Variants in UAP1L1 observed in about 807,000 individuals in gnomAD.
The protein encoded by UAP1L1 is UDP-N-acetylhexosamine pyrophosphorylase-like protein 1.
A neutral mutation model predicts 45.3 loss-of-function variants in UAP1L1; 45 were observed. The ratio of observed to expected loss-of-function variants is 0.99; its 90% CI spans 0.78 to 1.27. UAP1L1 has a LOEUF of 1.27. Among genes scored for constraint, UAP1L1 ranks in the 50% most tolerant of loss-of-function variants. UAP1L1 has a pLI of 0.00. For synonymous variants in UAP1L1, 323 were observed against 303.9 expected, an observed-to-expected ratio of 1.06 and a Z score of -0.65; for missense variants, 667 against 694.0, an observed-to-expected ratio of 0.96 and a Z score of 0.44.
In UAP1L1 at chr9:137,082,467, C is replaced by A; in HGVS notation, c.1432-170C>A. 1 of 620,356 alleles carries A rather than the reference C, an allele frequency of 1.6e-6. No individual in the cohort carries two copies. Among genetic ancestry groups the A allele is most frequent in the Non-Finnish European group, 2.9e-6 (1 of 347,888 alleles). 38.4% of individuals were successfully genotyped at this position (620,356 alleles called of 1,614,324 possible). On this transcript the variant is annotated intron_variant, in intron 8 of 8. Coordinates refer to ENST00000409858, the MANE Select transcript of UAP1L1 (RefSeq NM_207309.3). The surrounding 1 kb of genome is among the most constrained non-coding windows in gnomAD (Gnocchi z 5.7). ...GGGTCTTGAGTGTGGTCTTGGGTGGCCTTGCAGTGTGTGTCTGCTCCTGGC... is the reference window on the plus strand; with the variant it reads ...GGGTCTTGAGTGTGGTCTTGGGTGGACTTGCAGTGTGTGTCTGCTCCTGGC...
In UAP1L1 at chr9:137,082,045, T is replaced by G; in HGVS notation, c.1412T>G (p.Leu471Trp). 1 of 1,614,000 alleles carries G rather than the reference T, an allele frequency of 6.2e-7. No individual in the cohort carries two copies. Among genetic ancestry groups the G allele is most frequent in the Non-Finnish European group, 8.5e-7 (1 of 1,179,996 alleles). The change falls in exon 8 of 9, where the codon TTG becomes TGG. Residue 471 changes from leucine (L) to tryptophan (W), a missense_variant. Leu to Trp is a moderately conservative substitution (Grantham distance 61). Coordinates refer to ENST00000409858, the MANE Select transcript of UAP1L1 (RefSeq NM_207309.3). This position sits in a 1 kb window ranked among gnomAD's most constrained non-coding sequence, Gnocchi z 5.7. ...CCGGCCATCTGTGAGATATCGCCCT[T>G]GGTGTCTTACTCTGGAGAGGTGAGA... Reference protein sequence around the residue: ...DPPAICEISPLVSYSGEGLEV... With the variant: ...DPPAICEISPWVSYSGEGLEV...
Position 137,077,851 on chromosome 9 carries a change from G to GCC in UAP1L1, c.289+31_289+32insCC, listed in dbSNP as rs1486739952. 1 of 1,431,278 alleles carries GCC rather than the reference G, an allele frequency of 7.0e-7. No homozygotes were observed. The highest frequency in any genetic ancestry group is 2.6e-5 in the East Asian group (1 of 38,506). 88.7% of individuals were successfully genotyped at this position (1,431,278 alleles called of 1,614,324 possible). A position where few individuals can be genotyped will look rare whatever the true frequency, so the allele number is the denominator to read the frequency against. On this transcript the variant is annotated intron_variant, in intron 1 of 8. Coordinates refer to ENST00000409858, the MANE Select transcript of UAP1L1 (RefSeq NM_207309.3). This position sits in a 1 kb window ranked among gnomAD's most constrained non-coding sequence, Gnocchi z 4.7. ...GCGGGGTGGGAGGCCCTGGGGGCCGGCAGGGGGTCGTGCCCACGGAGCGGG... is the reference window on the plus strand; with the variant it reads ...GCGGGGTGGGAGGCCCTGGGGGCCGGCCCAGGGGGTCGTGCCCACGGAGCGGG...
Position 137,077,816 on chromosome 9 carries a change from A to C in UAP1L1, c.284A>C (p.Glu95Ala). 7.4e-7 allele frequency: 1 copy of C among 1,347,042 alleles called. No individual in the cohort carries two copies. The allele number at this position is 1,347,042 out of a possible 1,614,324, so 83.4% of individuals were successfully genotyped here. Residue 95 changes from glutamate to alanine, a missense_variant, in exon 1 of 9, where the codon GAG becomes GCG. By Grantham distance (107) the Glu-to-Ala change is moderately radical. Coordinates refer to ENST00000409858, the MANE Select transcript of UAP1L1 (RefSeq NM_207309.3). The surrounding 1 kb of genome is among the most constrained non-coding windows in gnomAD (Gnocchi z 4.7). ...CCCGAGACACGGCGGCGCTGGGAGG[A>C]GGAAGGTAAGCGGGGTGGGAGGCCC... is the stretch of plus-strand genomic sequence containing the variant. Reference protein sequence around the residue: ...SDPETRRRWEEEGFRQISLNK... With the variant: ...SDPETRRRWEAEGFRQISLNK...
Position 137,079,107 on chromosome 9 carries a change from A to C in UAP1L1, c.802A>C (p.Ile268Leu). 1.2e-6 allele frequency: 2 copies of C among 1,611,844 alleles called. No homozygotes were observed. Among genetic ancestry groups the C allele is most frequent in the Non-Finnish European group, 8.5e-7 (1 of 1,179,646 alleles). Reference protein sequence around the residue: ...ILVRLADPVFIGFCVLQGADC... With the variant: ...ILVRLADPVFLGFCVLQGADC... Reference sequence around the variant, plus strand: ...GGTGCGGCTGGCGGACCCTGTCTTCATCGGCTTCTGTGTGTTGCAGGGCGC... The same window carrying C: ...GGTGCGGCTGGCGGACCCTGTCTTCCTCGGCTTCTGTGTGTTGCAGGGCGC... The change falls in exon 4 of 9, where the codon ATC becomes CTC. Residue 268 changes from isoleucine to leucine, a missense_variant. Coordinates refer to ENST00000409858, the MANE Select transcript of UAP1L1 (RefSeq NM_207309.3).
chr9:137,078,296 C>G, intron 2 of UAP1L1, 42 bp downstream of exon 2: 1 of 1,510,860 alleles, frequency 6.6e-7, no homozygotes, highest in Non-Finnish European at 8.9e-7. Flanking sequence ...GGTACCCTTC[C>G]CCACGCCCCC....
rs1444899648 is a variant in UAP1L1 at position 137,080,074 on chromosome 9, G to A, written c.1110G>A (p.Leu370=). 1 of 1,614,198 alleles carries A rather than the reference G, an allele frequency of 6.2e-7. No individual in the cohort carries two copies. The highest frequency in any genetic ancestry group is 1.3e-5 in the African/African-American group (1 of 75,064). ...CGTATGTGGATGAGGAGGGGAATCT[G>A]GTAAAGCCGCTAAAACCGAACGGGA... ...KVPYVDEEGN[L]VKPLKPNGIK... is the part of the protein sequence containing the mutation. The change falls in exon 6 of 9, where the codon CTG becomes CTA. Residue 370 remains leucine (L), a synonymous_variant. Coordinates refer to ENST00000409858, the MANE Select transcript of UAP1L1 (RefSeq NM_207309.3).
Position 137,084,400 on chromosome 9 carries a change from T to G in UAP1L1, c.*1671T>G, listed in dbSNP as rs1327294199. The G allele has an allele frequency of 6.6e-6, 1 of 152,198 alleles. No individual in the cohort carries two copies. The highest frequency in any genetic ancestry group is 1.5e-5 in the Non-Finnish European group (1 of 68,076). 9.4% of individuals were successfully genotyped at this position (152,198 alleles called of 1,614,324 possible). A position where few individuals can be genotyped will look rare whatever the true frequency, so the allele number is the denominator to read the frequency against. Reference sequence around the variant, plus strand: ...CGTGTTAGCCAGGATGGTCTCGATCTCCTGACCTCGTGATCCACCCACCTC... The same window carrying G: ...CGTGTTAGCCAGGATGGTCTCGATCGCCTGACCTCGTGATCCACCCACCTC... On this transcript the variant is annotated 3_prime_UTR_variant, in exon 9 of 9. Transcript: ENST00000409858.
rs1057436453 is a variant in UAP1L1, at chr9:137,083,752, CAG to C, written c.*1024_*1025del. 1.7e-4 allele frequency: 26 copies of C among 152,380 alleles called. No individual in the cohort carries two copies. Among genetic ancestry groups the C allele is most frequent in the African/African-American group, 5.1e-4 (21 of 41,584 alleles). 9.4% of individuals were successfully genotyped at this position (152,380 alleles called of 1,614,324 possible). On this transcript the variant is annotated 3_prime_UTR_variant, in exon 9 of 9. Coordinates refer to ENST00000409858, the MANE Select transcript of UAP1L1 (RefSeq NM_207309.3). ...GTGATTCTCGCCTGCTTTCTCATCT[CAG>C]GGGAGGCAGTGGCACCTCCCTCTCC...
At position 137,080,036 on chromosome 9, in the gene UAP1L1, G is replaced by A. The variant is rs191513671; in HGVS notation, c.1072G>A (p.Val358Met). The change falls in exon 6 of 9, where the codon GTG (valine) becomes ATG (methionine). Residue 358 changes from valine (V) to methionine (M), a missense_variant. Transcript: ENST00000409858. Reference protein sequence around the residue: ...FEPLLKPHVAVKKVPYVDEEG... With the variant: ...FEPLLKPHVAMKKVPYVDEEG... Reference sequence around the variant, plus strand: ...GCCTTTGCTGAAGCCACACGTGGCTGTGAAGAAGGTCCCGTATGTGGATGA... The same window carrying A: ...GCCTTTGCTGAAGCCACACGTGGCTATGAAGAAGGTCCCGTATGTGGATGA... 4.8e-5 allele frequency: 78 copies of A among 1,614,138 alleles called. 1 individual carries two copies. In the East Asian group the frequency reaches 1.4e-3, roughly 30 times the overall value.
At chr9:137,078,283 G>A (rs1327733617) in intron 2 of UAP1L1, 29 bp downstream of exon 2, 2 of 1,520,206 alleles carry the variant, frequency 1.3e-6, no homozygotes, top group South Asian at 1.2e-5. Context: ...ACCTCGGCCC[G>A]GAGGTACCCT....
rs1401743196 is a variant in UAP1L1 at position 137,077,761 on chromosome 9, G to C, written c.229G>C (p.Glu77Gln). The C allele has an allele frequency of 7.9e-7, 1 of 1,263,878 alleles. No individual in the cohort carries two copies. Among genetic ancestry groups the C allele is most frequent in the Non-Finnish European group, 9.9e-7 (1 of 1,005,618 alleles). 78.3% of individuals were successfully genotyped at this position (1,263,878 alleles called of 1,614,324 possible). A position where few individuals can be genotyped will look rare whatever the true frequency, so the allele number is the denominator to read the frequency against. The stretch of plus-strand genomic sequence containing the variant: ...CGCGCGCCTGCGGCCCCTGCCCCCA[G>C]AGCGCGTGGGCAGGGCCAGCCGCAG... ...LAARLRPLPP[E>Q]RVGRASRSDP... Residue 77 changes from glutamate to glutamine, a missense_variant, in exon 1 of 9, where the codon GAG (glutamate) becomes CAG (glutamine). Glu to Gln is a conservative substitution (Grantham distance 29). Transcript: ENST00000409858. The surrounding 1 kb of genome is among the most constrained non-coding windows in gnomAD (Gnocchi z 4.7).
Position 137,079,279 on chromosome 9 carries a change from G to T in UAP1L1, c.867G>T (p.Glu289Asp), listed in dbSNP as rs376113826. Residue 289 changes from glutamate to aspartate, a missense_variant, in exon 5 of 9, where the codon GAG becomes GAT. Glu to Asp is a conservative substitution (Grantham distance 45, BLOSUM62 2). Transcript: ENST00000409858. ...AGGTGGTGGAAAAGGCATACCCCGAGGAGCCCGTGGGCGTGGTGTGCCAGG... is the reference window on the plus strand; with the variant it reads ...AGGTGGTGGAAAAGGCATACCCCGATGAGCCCGTGGGCGTGGTGTGCCAGG... ...GAKVVEKAYPEEPVGVVCQVD... is the reference protein window; with the variant it reads ...GAKVVEKAYPDEPVGVVCQVD... The T allele has an allele frequency of 2.8e-5, 45 of 1,611,404 alleles. No homozygotes were observed. The highest frequency in any genetic ancestry group is 3.7e-5 in the Non-Finnish European group (44 of 1,178,788).
rs764116499 is a variant in UAP1L1, at chr9:137,079,071, G to A, written c.766G>A (p.Asp256Asn). The A allele has an allele frequency of 3.1e-6, 5 of 1,610,678 alleles. No homozygotes were observed. The African/African-American group carries it at 6.7e-5, about 22-fold the overall frequency. ...GGAGTTTGTGCACGTGTACTGTGTGGACAACATCCTGGTGCGGCTGGCGGA... is the reference window on the plus strand; with the variant it reads ...GGAGTTTGTGCACGTGTACTGTGTGAACAACATCCTGGTGCGGCTGGCGGA... Reference protein sequence around the residue: ...GVEFVHVYCVDNILVRLADPV... With the variant: ...GVEFVHVYCVNNILVRLADPV... Residue 256 changes from aspartate to asparagine, a missense_variant, in exon 4 of 9, where the codon GAC becomes AAC. By Grantham distance (23) the Asp-to-Asn change is conservative. Transcript: ENST00000409858.
chr9:137,082,992 T>C lies in UAP1L1; in HGVS notation c.*263T>C. 2.1e-6 allele frequency: 1 copy of C among 469,402 alleles called. No homozygotes were observed. 29.1% of individuals were successfully genotyped at this position (469,402 alleles called of 1,614,324 possible). A position where few individuals can be genotyped will look rare whatever the true frequency, so the allele number is the denominator to read the frequency against. On this transcript the variant is annotated 3_prime_UTR_variant, in exon 9 of 9. Coordinates refer to ENST00000409858, the MANE Select transcript of UAP1L1 (RefSeq NM_207309.3). The surrounding 1 kb of genome is among the most constrained non-coding windows in gnomAD (Gnocchi z 5.7). ...GACAGCCTGCTGGGGGCTCTGTGGC[T>C]CCATTCCTGGCTGTGGGGTCTAGTC...
rs1474356756 is a variant in UAP1L1, at chr9:137,082,430, C to T, written c.1432-207C>T. On this transcript the variant is annotated intron_variant, in intron 8 of 8. Transcript: ENST00000409858. The surrounding 1 kb of genome is among the most constrained non-coding windows in gnomAD (Gnocchi z 5.7). ...AGACCTGTGCGTGACAGGAGGGTCCCCTGCTGGCCTAGGGTCTTGAGTGTG... is the reference window on the plus strand; with the variant it reads ...AGACCTGTGCGTGACAGGAGGGTCCTCTGCTGGCCTAGGGTCTTGAGTGTG... The T allele has an allele frequency of 1.7e-6, 1 of 594,582 alleles. No individual in the cohort carries two copies. Among genetic ancestry groups the T allele is most frequent in the South Asian group, 2.0e-5 (1 of 50,040 alleles). 36.8% of individuals were successfully genotyped at this position (594,582 alleles called of 1,614,324 possible).
intron 6 of UAP1L1, chr9:137,080,415 C>T (rs1832771990): frequency 3.4e-6 from 2 of 589,244 alleles, no homozygotes; most frequent in Non-Finnish European, 5.9e-6. Flanking sequence ...GGAGAGGTCT[C>T]CTGGCCAGGT....
At chr9:137,079,893 C>T (rs1324508329) in intron 5 of UAP1L1, 109 bp from the exon 6 acceptor site, 2 of 1,358,148 alleles carry the variant, frequency 1.5e-6, no homozygotes, top group East Asian at 4.6e-5. Context: ...TAGTGTCCTT[C>T]TGCCATCCTG....
Position 137,079,469 on chromosome 9 carries a change from T to G in UAP1L1, c.1037+20T>G. 6.4e-7 allele frequency: 1 copy of G among 1,568,086 alleles called. No homozygotes were observed. Among genetic ancestry groups the G allele is most frequent in the South Asian group, 1.2e-5 (1 of 86,064 alleles). On this transcript the variant is annotated intron_variant, in intron 5 of 8. Coordinates refer to ENST00000409858, the MANE Select transcript of UAP1L1 (RefSeq NM_207309.3). ...CACCAGGTGTGCGGCAGCAGGTGGC[T>G]GCGGATTGCCGGCCAGAGCCGCCTG...
In UAP1L1 at chr9:137,077,913, CCT is replaced by C; in HGVS notation, c.289+94_289+95del. The C allele has an allele frequency of 6.7e-7, 1 of 1,495,412 alleles. No homozygotes were observed. The highest frequency in any genetic ancestry group is 8.9e-7 in the Non-Finnish European group (1 of 1,127,678). The allele number at this position is 1,495,412 out of a possible 1,614,324, so 92.6% of individuals were successfully genotyped here. On this transcript the variant is annotated intron_variant, in intron 1 of 8. Coordinates refer to ENST00000409858, the MANE Select transcript of UAP1L1 (RefSeq NM_207309.3). The surrounding 1 kb of genome is among the most constrained non-coding windows in gnomAD (Gnocchi z 4.7). ...GCCGCGCTCGGGGAACTGTAGTTCT[CCT>C]CGCTACTTTGAGACGTGTCTCGCCT... is the stretch of plus-strand genomic sequence containing the variant.
Sources: gnomAD v4.1 joint callset for allele counts on GRCh38, gnomAD v4.1.1 for gene constraint, Gnocchi (gnomAD v3.1) non-coding constraint, MANE v1.5 for transcripts, NCBI Gene and HGNC (gene_info 2026-07-23, HGNC 2026-07-21) for gene names.